The following RIN2 variants were observed in gnomAD, a reference collection of about 807,000 sequenced individuals.
The protein encoded by RIN2 is Ras and Rab interactor 2, also known as RAB5 interacting protein 2.
In RIN2, 36 loss-of-function variants were observed where a neutral mutation model predicts 78.0. That is an observed-to-expected ratio of 0.46 (90% confidence interval 0.35 to 0.61). RIN2 has a LOEUF of 0.61. RIN2 is among the 20% of genes least tolerant of loss of function. The pLI is 0.00. For synonymous variants in RIN2, 466 were observed against 466.8 expected (o/e 1.00, Z 0.02); for missense variants, 1,087 against 1,159.7 (o/e 0.94, Z 0.91).
chr20:19,903,861 C>A (rs1568591650), intron 3 of RIN2, among the ~76,000 whole-genome samples: 1 of 152,142 alleles, frequency 6.6e-6, no homozygotes, highest in Non-Finnish European at 1.5e-5. Context: ...CACCCAGTGT[C>A]CTGCATGCTC....
intron 3 of RIN2, among the ~76,000 whole-genome samples, chr20:19,899,379 A>G (rs964541982): frequency 6.6e-6 from 1 of 152,252 alleles, no homozygotes; most frequent in African/African-American, 2.4e-5. Flanking sequence ...TTCCCAGCAT[A>G]AAATCTTTCA....
At chr20:19,766,668 C>T (rs1248059370) in intron 1 of RIN2, among the ~76,000 whole-genome samples, 2 of 152,084 alleles carry the variant, frequency 1.3e-5, no homozygotes, top group African/African-American at 2.4e-5. Flanking sequence ...CACCTGTAAT[C>T]CCAGCACTTT....
At chr20:19,802,109 A>G (rs1036896484) in intron 2 of RIN2, among the ~76,000 whole-genome samples, 3 of 152,256 alleles carry the variant, frequency 2.0e-5, no homozygotes, top group African/African-American at 7.2e-5. Context: ...TGACCACATC[A>G]TCCGTTGTCA....
At chr20:19,875,152 C>T (rs956199043) in intron 2 of RIN2, among the ~76,000 whole-genome samples, 3 of 151,532 alleles carry the variant, frequency 2.0e-5, no homozygotes, top group Non-Finnish European at 2.9e-5. Context: ...TGAGCCACCG[C>T]ACCCAGCAGA....
chr20:19,877,816 C>T (rs567998523), intron 2 of RIN2, among the ~76,000 whole-genome samples: 54 of 152,008 alleles, frequency 3.6e-4, no homozygotes, highest in African/African-American at 1.2e-3. Context: ...CCCAGGAGTT[C>T]AAGACTAGAC....
intron 3 of RIN2, among the ~76,000 whole-genome samples, chr20:19,896,750 A>T (rs908672311): frequency 3.9e-5 from 6 of 152,210 alleles, no homozygotes; most frequent in Admixed American, 2.0e-4. Flanking sequence ...TGACACCTGG[A>T]GAGGCCTCAG....
At chr20:19,810,682 A>ATTT (rs2035561945) in intron 2 of RIN2, among the ~76,000 whole-genome samples, 1 of 118,154 alleles carries the variant, frequency 8.5e-6, no homozygotes, top group African/African-American at 3.8e-5. Flanking sequence ...ATTATAAGGT[A>ATTT]CTTTTTTTTT....
At chr20:19,978,569 C>A (rs1055845392) in intron 9 of RIN2, among the ~76,000 whole-genome samples, 1 of 152,186 alleles carries the variant, frequency 6.6e-6, no homozygotes, top group Non-Finnish European at 1.5e-5. Flanking sequence ...CGAAAAACTG[C>A]CCCTGTAAAT....
At chr20:19,854,062 T>C (rs542061268) in intron 2 of RIN2, among the ~76,000 whole-genome samples, 1 of 152,288 alleles carries the variant, frequency 6.6e-6, no homozygotes, top group African/African-American at 2.4e-5. Context: ...TTGTATAAGG[T>C]GTAAGGAAGG....
At chr20:19,871,034 T>G (rs971113134) in intron 2 of RIN2, among the ~76,000 whole-genome samples, 4 of 152,204 alleles carry the variant, frequency 2.6e-5, no homozygotes, top group African/African-American at 9.7e-5. Context: ...TTCTGTTACT[T>G]CCAACATAAA....
At chr20:19,759,601 A>G (rs1168922479) in intron 1 of RIN2, among the ~76,000 whole-genome samples, 1 of 152,180 alleles carries the variant, frequency 6.6e-6, no homozygotes, top group East Asian at 1.9e-4. Context: ...GCAGTGGCTT[A>G]TGCCTGTAAT....
chr20:19,823,631 T>C, intron 2 of RIN2: 1 of 1,552,746 alleles, frequency 6.4e-7, no homozygotes, highest in Non-Finnish European at 8.8e-7. Flanking sequence ...TCATCAAAAG[T>C]GATATTCCCA....
intron 2 of RIN2, 37 bp from the exon 3 acceptor site, chr20:19,889,529 A>G (rs748444018): frequency 6.6e-7 from 1 of 1,526,702 alleles, no homozygotes; most frequent in African/African-American, 1.4e-5. Context: ...AATTTCCTAC[A>G]GGCTGGACTA....
intron 2 of RIN2, among the ~76,000 whole-genome samples, chr20:19,876,802 G>C (rs1364051477): frequency 6.6e-6 from 1 of 151,930 alleles, no homozygotes; most frequent in Admixed American, 6.6e-5. Context: ...CTACTCAGGA[G>C]GCTGAGGCAG....
intron 2 of RIN2, among the ~76,000 whole-genome samples, chr20:19,880,882 A>G (rs2123436139): frequency 6.6e-6 from 1 of 152,320 alleles, no homozygotes; most frequent in Non-Finnish European, 1.5e-5. Flanking sequence ...ACCTCCATAG[A>G]AATGGAACCC....
chr20:19,951,848 A>T (rs756722611), intron 4 of RIN2, among the ~76,000 whole-genome samples: 1 of 152,106 alleles, frequency 6.6e-6, no homozygotes, highest in South Asian at 2.1e-4. Flanking sequence ...TTTTTATTGG[A>T]ATCTCCTGGA....
chr20:19,921,480 G>A (rs1356776876), intron 3 of RIN2, among the ~76,000 whole-genome samples: 1 of 152,208 alleles, frequency 6.6e-6, no homozygotes, highest in African/African-American at 2.4e-5. Flanking sequence ...AAGGCGGAGA[G>A]GGAAGAGCAC....
intron 2 of RIN2, among the ~76,000 whole-genome samples, chr20:19,885,118 T>C (rs2123460442): frequency 6.6e-6 from 1 of 152,196 alleles, no homozygotes; most frequent in East Asian, 1.9e-4. Flanking sequence ...TTGAGTACAC[T>C]AAGTGTCTAT....
chr20:19,843,113 G>A (rs966239058), intron 2 of RIN2, among the ~76,000 whole-genome samples: 1 of 152,188 alleles, frequency 6.6e-6, no homozygotes, highest in African/African-American at 2.4e-5. Flanking sequence ...AAATGAATGA[G>A]GAGTTGCTTC....
Sources: gnomAD v4.1 joint callset for allele counts (sites outside exome capture counted in the v4.1 genomes callset) on GRCh38, gnomAD v4.1.1 for gene constraint, MANE v1.5 for transcripts, NCBI Gene and HGNC (gene_info 2026-07-23, HGNC 2026-07-21) for gene names.